The following ARHGEF3 variants were observed in gnomAD, a reference collection of about 807,000 sequenced individuals.
ARHGEF3 encodes 59.8 kDA protein.
Under a neutral mutation model 63.2 loss-of-function variants are expected in ARHGEF3, and 28 were observed. That is an observed-to-expected ratio of 0.44 (90% CI 0.33 to 0.61). ARHGEF3 has a LOEUF of 0.61. ARHGEF3 is among the 20% of genes least tolerant of loss of function. The probability of loss-of-function intolerance (pLI) is 0.03; values close to 1 mark genes in which losing one functional copy is unlikely to be tolerated. For synonymous variants in ARHGEF3, 266 were observed against 254.2 expected (o/e 1.05, Z -0.44); for missense variants, 533 against 659.3 (o/e 0.81, Z 2.10).
intron 4 of ARHGEF3, among the ~76,000 whole-genome samples, chr3:56,844,731 G>A (rs372804225): frequency 6.6e-6 from 1 of 152,090 alleles, no homozygotes. Context: ...AAAACACAGG[G>A]TGGTTTTGTG....
chr3:56,878,944 T>C (rs1185254920), intron 4 of ARHGEF3, among the ~76,000 whole-genome samples: 1 of 152,194 alleles, frequency 6.6e-6, no homozygotes, highest in African/African-American at 2.4e-5. Context: ...GGTGGAGACT[T>C]TAGATTCTCA....
In ARHGEF3 at chr3:56,973,306, C is replaced by T. The variant is rs554856925; in HGVS notation, c.63-14417G>A. 5.9e-5 allele frequency among the ~76,000 whole-genome samples: 9 copies of T among 152,242 alleles called. No individual in the cohort carries two copies. In the South Asian group the frequency reaches 6.2e-4, roughly 11 times the overall value. On this transcript the variant is annotated intron_variant, in intron 2 of 12. Transcript: ENST00000338458. The stretch of plus-strand genomic sequence containing the variant: ...TGCTGGGATTACAGGCGTGAGCCAC[C>T]GCGCCTGGCATGATGAACATATTTG...
intron 8 of ARHGEF3, among the ~76,000 whole-genome samples, chr3:56,734,109 T>C (rs771469214): frequency 2.0e-5 from 3 of 151,052 alleles, no homozygotes; most frequent in Non-Finnish European, 4.4e-5. Context: ...AAAAAGAAAA[T>C]TGCAAAAATG....
Position 56,960,331 on chromosome 3 carries a change from C to A in ARHGEF3, c.63-1442G>T, listed in dbSNP as rs73833780. Among the ~76,000 whole-genome samples, 560 of 152,276 alleles carry A rather than the reference C, an allele frequency of 3.7e-3. 3 individuals are homozygous for A. The highest frequency in any genetic ancestry group is 0.012 in the African/African-American group (509 of 41,542). On this transcript the variant is annotated intron_variant, in intron 2 of 12. Coordinates refer to the ARHGEF3 transcript ENST00000338458. ...GGATATTAAGTGCTTTGATTCTGAT[C>A]ACACAGATGAAATTGGGATTCTGTT... is the stretch of plus-strand genomic sequence containing the variant.
intron 1 of ARHGEF3, among the ~76,000 whole-genome samples, chr3:56,784,010 C>A (rs1279163616): frequency 6.6e-6 from 1 of 152,174 alleles, no homozygotes; most frequent in African/African-American, 2.4e-5. Context: ...CTGTTAAGTT[C>A]CTTTTAGCAA....
At chr3:56,799,184 G>A (rs1023245777) in intron 1 of ARHGEF3, among the ~76,000 whole-genome samples, 1 of 152,070 alleles carries the variant, frequency 6.6e-6, no homozygotes, top group African/African-American at 2.4e-5. Context: ...TCAGTGTACG[G>A]TATCAAATGC....
chr3:56,859,602 G>C (rs1223966025), intron 4 of ARHGEF3, among the ~76,000 whole-genome samples: 1 of 150,142 alleles, frequency 6.7e-6, no homozygotes, highest in Non-Finnish European at 1.5e-5. Context: ...CAGAGATCTC[G>C]GCTCCCTGCA....
At chr3:56,891,077 C>T (rs911397503) in intron 3 of ARHGEF3, among the ~76,000 whole-genome samples, 9 of 151,492 alleles carry the variant, frequency 5.9e-5, no homozygotes, top group African/African-American at 1.7e-4. Context: ...GCTAAATTCA[C>T]GTTTTAGCAG....
intron 2 of ARHGEF3, among the ~76,000 whole-genome samples, chr3:56,992,903 G>A (rs539081130): frequency 1.3e-5 from 2 of 152,022 alleles, no homozygotes; most frequent in African/African-American, 4.8e-5. Context: ...GCGCTATCTC[G>A]GCTCACTGCA....
At chr3:57,059,515 G>A (rs1312038592) in intron 1 of ARHGEF3, among the ~76,000 whole-genome samples, 1 of 121,892 alleles carries the variant, frequency 8.2e-6, no homozygotes, top group African/African-American at 3.0e-5. Context: ...TTGGGGGTGG[G>A]GGGAGGGAGG....
intron 3 of ARHGEF3, among the ~76,000 whole-genome samples, chr3:56,897,190 C>A (rs753883044): frequency 2.6e-5 from 4 of 152,194 alleles, no homozygotes; most frequent in Non-Finnish European, 5.9e-5. Context: ...CCGTTACTAT[C>A]ATTTTTCATT....
At chr3:56,930,182 T>C (rs1483115785) in intron 3 of ARHGEF3, among the ~76,000 whole-genome samples, 1 of 152,152 alleles carries the variant, frequency 6.6e-6, no homozygotes, top group Non-Finnish European at 1.5e-5. Context: ...TGGCTGGAGT[T>C]GGCTGTCCTG....
intron 3 of ARHGEF3, among the ~76,000 whole-genome samples, chr3:56,956,270 T>A (rs113294525): frequency 8.6e-5 from 13 of 152,002 alleles, no homozygotes; most frequent in East Asian, 3.9e-4. Flanking sequence ...TACTTTTTTT[T>A]AAATTTTATT....
chr3:57,043,328 G>T (rs1419253741), intron 1 of ARHGEF3, among the ~76,000 whole-genome samples: 1 of 151,750 alleles, frequency 6.6e-6, no homozygotes, highest in Non-Finnish European at 1.5e-5. Flanking sequence ...CGTTGATTAG[G>T]CTGGTCTCGA....
chr3:56,767,686 A>C (rs972173490), intron 2 of ARHGEF3, among the ~76,000 whole-genome samples: 2 of 151,834 alleles, frequency 1.3e-5, no homozygotes, highest in African/African-American at 4.8e-5. Context: ...GGTGATGGGA[A>C]GTAGGATTAC....
At chr3:56,968,171 TATATATAAAAATATATATTATATATA>T (rs1226554498) in intron 2 of ARHGEF3, among the ~76,000 whole-genome samples, 5,116 of 25,214 alleles carry the variant, frequency 0.2, 637 homozygotes, top group East Asian at 0.57. Context: ...TATTATATAA[TATATATAAAAATATATATTATATATA>T]ATATATAAAA....
intron 2 of ARHGEF3, among the ~76,000 whole-genome samples, chr3:56,982,940 G>C (rs1701383203): frequency 6.6e-6 from 1 of 152,108 alleles, no homozygotes; most frequent in Non-Finnish European, 1.5e-5. Context: ...TTAAAGGGTA[G>C]GGAGCCCTTT....
At chr3:56,793,097 G>A (rs986465367) in intron 1 of ARHGEF3, among the ~76,000 whole-genome samples, 3 of 151,840 alleles carry the variant, frequency 2.0e-5, no homozygotes, top group Non-Finnish European at 4.4e-5. Context: ...TCCGCCTCCC[G>A]AGTTCAAGCA....
At chr3:56,837,411 G>C (rs1204380508) in intron 4 of ARHGEF3, among the ~76,000 whole-genome samples, 5 of 152,190 alleles carry the variant, frequency 3.3e-5, no homozygotes. Flanking sequence ...GGAATTGACT[G>C]CTCAATGGAA....
Sources: gnomAD v4.1 joint callset for allele counts (sites outside exome capture counted in the v4.1 genomes callset) on GRCh38, gnomAD v4.1.1 for gene constraint, MANE v1.5 for transcripts, NCBI Gene and HGNC (gene_info 2026-07-23, HGNC 2026-07-21) for gene names.